The following DYNC1I1 variants were observed in gnomAD, a reference collection of about 807,000 sequenced individuals.
DYNC1I1 encodes the protein dynein cytoplasmic 1 intermediate chain 1, also known as cytoplasmic dynein 1 intermediate chain 1.
Under a neutral mutation model 86.6 loss-of-function variants are expected in DYNC1I1, and 43 were observed. The ratio of observed to expected loss-of-function variants is 0.50; its 90% CI spans 0.39 to 0.64. The LOEUF (loss-of-function observed/expected upper bound fraction) is 0.64. DYNC1I1 is among the 30% of genes least tolerant of loss of function. DYNC1I1 has a pLI of 0.00. For synonymous variants in DYNC1I1, 262 were observed against 283.7 expected (o/e 0.92, Z 0.77); for missense variants, 604 against 788.8 (o/e 0.77, Z 2.81).
At chr7:95,951,717 G>A (rs567172053) in intron 6 of DYNC1I1, among the ~76,000 whole-genome samples, 3 of 152,250 alleles carry the variant, frequency 2.0e-5, no homozygotes, top group East Asian at 1.9e-4. Context: ...CAAGGAGGAC[G>A]ACTGCACGCC....
intron 6 of DYNC1I1, among the ~76,000 whole-genome samples, chr7:95,909,847 T>C (rs1269184440): frequency 1.3e-5 from 2 of 152,160 alleles, no homozygotes; most frequent in East Asian, 1.9e-4. Context: ...CAGTCCAAAC[T>C]CCTTGCTAGG....
chr7:95,876,750 A>T (rs1790318457), intron 6 of DYNC1I1, among the ~76,000 whole-genome samples: 1 of 152,174 alleles, frequency 6.6e-6, no homozygotes, highest in African/African-American at 2.4e-5. Flanking sequence ...GTAACAACTG[A>T]TATGTTGACT....
At chr7:96,045,120 G>A (rs1033695141) in intron 14 of DYNC1I1, among the ~76,000 whole-genome samples, 4 of 152,160 alleles carry the variant, frequency 2.6e-5, no homozygotes, top group Admixed American at 2.6e-4. Flanking sequence ...AATAAAAACA[G>A]ACAGGAGAAA....
At chr7:95,846,482 C>T (rs1789429037) in intron 5 of DYNC1I1, among the ~76,000 whole-genome samples, 1 of 152,168 alleles carries the variant, frequency 6.6e-6, no homozygotes. Flanking sequence ...GAAATAAATA[C>T]TTCCTAAAAT....
At chr7:95,788,915 T>C (rs28558173) in intron 1 of DYNC1I1, among the ~76,000 whole-genome samples, 3,137 of 152,310 alleles carry the variant, frequency 0.021, 89 homozygotes, top group African/African-American at 0.069. Context: ...CCCCTTAGCA[T>C]GCATGGTCTT....
chr7:95,943,940 T>A (rs900383658), intron 6 of DYNC1I1, among the ~76,000 whole-genome samples: 48 of 152,012 alleles, frequency 3.2e-4, no homozygotes, highest in African/African-American at 1.1e-3. Flanking sequence ...AACCTAGGCA[T>A]TAACATTCAG....
At chr7:95,787,563 G>A (rs1430304187) in intron 1 of DYNC1I1, among the ~76,000 whole-genome samples, 1 of 152,124 alleles carries the variant, frequency 6.6e-6, no homozygotes, top group African/African-American at 2.4e-5. Flanking sequence ...GCTAGGAACA[G>A]GGAAAGGAGT....
chr7:96,092,512 C>A (rs1790878287), intron 16 of DYNC1I1, among the ~76,000 whole-genome samples: 1 of 152,078 alleles, frequency 6.6e-6, no homozygotes, highest in Admixed American at 6.5e-5. Flanking sequence ...GCTGGTGAAG[C>A]AGAAAAAAAG....
At chr7:95,970,116 A>C (rs1293219225) in intron 6 of DYNC1I1, among the ~76,000 whole-genome samples, 1 of 152,130 alleles carries the variant, frequency 6.6e-6, no homozygotes, top group African/African-American at 2.4e-5. Context: ...GCTGTATCCA[A>C]AGTTGGTCCA....
At chr7:96,093,645 C>T (rs181177346) in intron 16 of DYNC1I1, among the ~76,000 whole-genome samples, 45 of 152,250 alleles carry the variant, frequency 3.0e-4, no homozygotes, top group African/African-American at 1.0e-3. Flanking sequence ...GTCGATGAAG[C>T]AGTTGGAATA....
chr7:95,828,237 C>G (rs982392421), intron 5 of DYNC1I1, 121 bp downstream of exon 5: 1 of 1,105,424 alleles, frequency 9.0e-7, no homozygotes, highest in African/African-American at 1.5e-5. Flanking sequence ...TTGATAAGTT[C>G]GTTTCCTTCT....
At chr7:95,823,162 T>C (rs961090186) in intron 4 of DYNC1I1, among the ~76,000 whole-genome samples, 7 of 152,124 alleles carry the variant, frequency 4.6e-5, no homozygotes, top group Non-Finnish European at 1.0e-4. Context: ...TAAGACCTAG[T>C]GGACTACCTC....
chr7:95,970,053 T>C (rs929037162), intron 6 of DYNC1I1, among the ~76,000 whole-genome samples: 1 of 152,194 alleles, frequency 6.6e-6, no homozygotes, highest in Non-Finnish European at 1.5e-5. Context: ...TCTTGGCTGC[T>C]GTGATACATA....
At chr7:95,962,597 C>CA (rs5885933) in intron 6 of DYNC1I1, among the ~76,000 whole-genome samples, 120,932 of 152,094 alleles carry the variant, frequency 0.8, 48,334 homozygotes, top group East Asian at 0.89. Context: ...AGCCTTTTAC[C>CA]CTGACAAAGC....
intron 6 of DYNC1I1, among the ~76,000 whole-genome samples, chr7:95,953,763 A>G (rs1281660150): frequency 6.6e-6 from 1 of 152,200 alleles, no homozygotes; most frequent in African/African-American, 2.4e-5. Context: ...CGTTCTTGCT[A>G]GTTGTTTGAG....
At chr7:96,061,659 C>G (rs971057431) in intron 14 of DYNC1I1, among the ~76,000 whole-genome samples, 3 of 151,170 alleles carry the variant, frequency 2.0e-5, no homozygotes, top group East Asian at 2.0e-4. Context: ...AAGAGTCTCT[C>G]TCTCTCTTCC....
Position 96,035,690 on chromosome 7 carries a change from C to T in DYNC1I1, c.1302C>T (p.Asp434=), listed in dbSNP as rs568589580. 107 of 1,611,942 alleles carry T rather than the reference C, an allele frequency of 6.6e-5. 1 individual carries two copies. The South Asian group carries it at 1.0e-3, about 16-fold the overall frequency. The stretch of plus-strand genomic sequence containing the variant: ...CCGGAATGGCTTTCCCAACGGGAGA[C>T]GTCAATAACTTCGTGGTTGGCAGTG... ...AVTGMAFPTG[D]VNNFVVGSEE... Residue 434 remains aspartate (D), a synonymous_variant, in exon 13 of 17, where the codon GAC becomes GAT. Coordinates refer to ENST00000447467, the MANE Select transcript of DYNC1I1 (RefSeq NM_001135556.2).
intron 10 of DYNC1I1, among the ~76,000 whole-genome samples, chr7:96,002,684 G>A (rs1347800958): frequency 1.3e-5 from 2 of 152,138 alleles, no homozygotes; most frequent in South Asian, 4.1e-4. Flanking sequence ...GTTGCTGAAT[G>A]GGGGGTTGTG....
chr7:96,045,177 G>T (rs1789172199), intron 14 of DYNC1I1, among the ~76,000 whole-genome samples: 1 of 152,176 alleles, frequency 6.6e-6, no homozygotes, highest in Non-Finnish European at 1.5e-5. Context: ...CAAAGAACAA[G>T]GATGAAGGAA....
Sources: gnomAD v4.1 joint callset for allele counts (sites outside exome capture counted in the v4.1 genomes callset) on GRCh38, gnomAD v4.1.1 for gene constraint, MANE v1.5 for transcripts, NCBI Gene and HGNC (gene_info 2026-07-23, HGNC 2026-07-21) for gene names.